Variants in MARCHF10 observed in about 807,000 individuals in gnomAD.
MARCHF10 encodes probable E3 ubiquitin-protein ligase MARCHF10.
MARCHF10 carries 64 observed loss-of-function variants against 76.2 expected under a neutral mutation model. The observed-to-expected ratio is 0.84, with a 90% CI of 0.69 to 1.03. MARCHF10 has a LOEUF of 1.03. Among genes scored for constraint, MARCHF10 ranks in the 50% least tolerant of loss-of-function variants. The pLI is 0.00. For synonymous variants in MARCHF10, 340 were observed against 357.5 expected, an observed-to-expected ratio of 0.95 and a Z score of 0.55; for missense variants, 875 against 958.0, an observed-to-expected ratio of 0.91 and a Z score of 1.14.
intron 10 of MARCHF10, among the ~76,000 whole-genome samples, chr17:62,703,815 T>C (rs981146575): frequency 1.3e-5 from 2 of 152,174 alleles, no homozygotes; most frequent in Non-Finnish European, 2.9e-5. Flanking sequence ...ACCCTAGGGA[T>C]GTTCTTCTGC....
chr17:62,759,750 C>CTCAA (rs1315179642), intron 4 of MARCHF10, 85 bp downstream of exon 4: 1 of 1,397,526 alleles, frequency 7.2e-7, no homozygotes, highest in Admixed American at 1.9e-5. Context: ...GGATTACAGG[C>CTCAA]GTGAGCCACC....
chr17:62,760,202 G>C (rs12940621), intron 3 of MARCHF10, among the ~76,000 whole-genome samples, 196 bp from the exon 4 acceptor site: 7 of 152,006 alleles, frequency 4.6e-5, no homozygotes, highest in Admixed American at 2.6e-4. Flanking sequence ...GGCAGAGTTA[G>C]TGAGTCTGTT....
intron 9 of MARCHF10, among the ~76,000 whole-genome samples, chr17:62,708,540 G>C (rs2089732687): frequency 6.6e-6 from 1 of 152,140 alleles, no homozygotes; most frequent in South Asian, 2.1e-4. Flanking sequence ...CACCGCACCT[G>C]GCCAAAAAGT....
intron 5 of MARCHF10, among the ~76,000 whole-genome samples, chr17:62,740,876 C>T (rs1208094480): frequency 6.6e-6 from 1 of 152,162 alleles, no homozygotes; most frequent in East Asian, 1.9e-4. Context: ...AATCCTCCTG[C>T]CTTGGCCTCC....
At chr17:62,799,762 A>G (rs978387320) in intron 2 of MARCHF10, among the ~76,000 whole-genome samples, 1 of 151,636 alleles carries the variant, frequency 6.6e-6, no homozygotes, top group Non-Finnish European at 1.5e-5. Context: ...AAAAAAAAAA[A>G]GAATAAAACC....
chr17:62,755,220 T>C (rs528090459), intron 4 of MARCHF10, among the ~76,000 whole-genome samples: 9 of 152,340 alleles, frequency 5.9e-5, no homozygotes, highest in African/African-American at 2.2e-4. Context: ...CAGATCTGTC[T>C]TCCTGGCACA....
chr17:62,732,716 G>A (rs1049808146), intron 6 of MARCHF10, among the ~76,000 whole-genome samples: 5 of 152,116 alleles, frequency 3.3e-5, no homozygotes, highest in African/African-American at 1.2e-4. Flanking sequence ...GATGGGGCCG[G>A]GCACGGTGGT....
At chr17:62,793,515 C>A (rs2092920714) in intron 2 of MARCHF10, among the ~76,000 whole-genome samples, 1 of 142,796 alleles carries the variant, frequency 7.0e-6, no homozygotes, top group Non-Finnish European at 1.5e-5. Context: ...CCATCACCAC[C>A]ACCACCACCT....
At chr17:62,751,704 C>T (rs1245921787) in intron 4 of MARCHF10, among the ~76,000 whole-genome samples, 3 of 152,180 alleles carry the variant, frequency 2.0e-5, no homozygotes, top group African/African-American at 7.2e-5. Flanking sequence ...CTAAAATCCA[C>T]AGTTGTAGCC....
Position 62,737,067 on chromosome 17 carries a change from T to C in MARCHF10, c.801A>G (p.Ala267=), listed in dbSNP as rs141862095. 603 of 1,614,174 alleles carry C rather than the reference T, an allele frequency of 3.7e-4. 2 individuals are homozygous for C. The highest frequency in any genetic ancestry group is 3.1e-3 in the African/African-American group (236 of 75,044). Residue 267 remains alanine, a synonymous_variant, in exon 6 of 11, where the codon GCA becomes GCG. Transcript: ENST00000311269. ...TPTTVGGPRK[A]SFRFRDEDFY... Reference sequence around the variant, plus strand: ...AGTCTTCATCTCGGAACCTAAATGATGCCTTTCTTGGCCCTCCTACAGTGG... The same window carrying C: ...AGTCTTCATCTCGGAACCTAAATGACGCCTTTCTTGGCCCTCCTACAGTGG...
chr17:62,732,050 A>G (rs553649625), intron 6 of MARCHF10, among the ~76,000 whole-genome samples: 1 of 152,246 alleles, frequency 6.6e-6, no homozygotes, highest in Non-Finnish European at 1.5e-5. Flanking sequence ...ATAGCAAATA[A>G]CAACAAATAA....
chr17:62,713,213 T>G (rs2147616608), intron 8 of MARCHF10, among the ~76,000 whole-genome samples: 1 of 152,328 alleles, frequency 6.6e-6, no homozygotes, highest in East Asian at 1.9e-4. Flanking sequence ...GGCTTCCTCC[T>G]GCAAAAGCTG....
chr17:62,786,110 T>C (rs1026571260), intron 3 of MARCHF10, among the ~76,000 whole-genome samples: 9 of 152,090 alleles, frequency 5.9e-5, no homozygotes, highest in Non-Finnish European at 1.2e-4. Flanking sequence ...CTATTCACAA[T>C]AGCAAAGACT....
chr17:62,792,011 T>C (rs371004731), intron 2 of MARCHF10, among the ~76,000 whole-genome samples: 1 of 152,092 alleles, frequency 6.6e-6, no homozygotes, highest in African/African-American at 2.4e-5. Flanking sequence ...AAGTCTCTGA[T>C]CATGTGGCAA....
At chr17:62,772,261 GT>G (rs2092462403) in intron 3 of MARCHF10, among the ~76,000 whole-genome samples, 2 of 152,104 alleles carry the variant, frequency 1.3e-5, no homozygotes, top group African/African-American at 4.8e-5. Flanking sequence ...AGATCTGATG[GT>G]TTTATAAAGG....
rs111740182 is a variant in MARCHF10 at position 62,736,439 on chromosome 17, T to C, written c.1429A>G (p.Met477Val). ...NSSYNPPASFMHSALRDDIPV... is the reference protein window; with the variant it reads ...NSSYNPPASFVHSALRDDIPV... ...ATATCATCTCTCAGAGCAGAATGCA[T>C]GAATGATGCAGGAGGGTTATAGGAT... Residue 477 changes from methionine to valine, a missense_variant, in exon 6 of 11, where the codon ATG (methionine) becomes GTG (valine). Transcript: ENST00000311269. 1.2e-6 allele frequency: 2 copies of C among 1,614,196 alleles called. No homozygotes were observed. The highest frequency in any genetic ancestry group is 1.6e-4 in the Middle Eastern group (1 of 6,062).
chr17:62,779,154 G>A (rs954886878), intron 3 of MARCHF10, among the ~76,000 whole-genome samples: 2 of 152,074 alleles, frequency 1.3e-5, no homozygotes, highest in South Asian at 2.1e-4. Context: ...TCAAGAGGGC[G>A]GCTGTGAAGA....
Position 62,792,034 on chromosome 17 carries a change from G to C in MARCHF10, c.91-3435C>G, listed in dbSNP as rs562622018. On this transcript the variant is annotated intron_variant, in intron 2 of 10. Coordinates refer to ENST00000311269, the MANE Select transcript of MARCHF10 (RefSeq NM_152598.4). The stretch of plus-strand genomic sequence containing the variant: ...GATCATGTGGCAAAACTGGCCGAGG[G>C]CAGTCTTGAAATTGAAGGCTTCAGG... Among the ~76,000 whole-genome samples, 3 of 152,030 alleles carry C rather than the reference G, an allele frequency of 2.0e-5. No individual in the cohort carries two copies. The South Asian group carries it at 6.2e-4, about 32-fold the overall frequency.
Position 62,736,747 on chromosome 17 carries a change from G to A in MARCHF10, c.1121C>T (p.Ser374Phe). 1.2e-6 allele frequency: 2 copies of A among 1,614,132 alleles called. No homozygotes were observed. The highest frequency in any genetic ancestry group is 1.7e-6 in the Non-Finnish European group (2 of 1,180,012). Residue 374 changes from serine (S) to phenylalanine (F), a missense_variant, in exon 6 of 11, where the codon TCC (serine) becomes TTC (phenylalanine). Transcript: ENST00000311269. The part of the protein sequence containing the change: ...TERPSAGQRL[S>F]QDPGLPDRES... ...CCTATCAGGCAGCCCGGGGTCTTGG[G>A]ACAACCTTTGCCCAGCAGAAGGCCG... is the stretch of plus-strand genomic sequence containing the variant.
Sources: allele counts gnomAD v4.1 joint callset (sites outside exome capture counted in the v4.1 genomes callset), GRCh38; gene constraint gnomAD v4.1.1; transcripts MANE v1.5; gene names NCBI Gene and HGNC (gene_info 2026-07-23, HGNC 2026-07-21).